ZZZ3: variants seen among roughly 807,000 people sequenced by gnomAD.
ZZZ3 encodes ZZ-type zinc finger-containing protein 3.
A neutral mutation model predicts 95.2 loss-of-function variants in ZZZ3; 22 were observed. The observed-to-expected ratio is 0.23, with a 90% CI of 0.17 to 0.33. The LOEUF (loss-of-function observed/expected upper bound fraction) is 0.33, where lower values mean the gene tolerates loss of function less well. Among genes scored for constraint, ZZZ3 ranks in the 10% least tolerant of loss-of-function variants. ZZZ3 has a pLI of 1.00. For synonymous variants in ZZZ3, 335 were observed against 358.9 expected (o/e 0.93, Z 0.75); for missense variants, 885 against 1,066.5 (o/e 0.83, Z 2.37).
intron 1 of ZZZ3, among the ~76,000 whole-genome samples, chr1:77,676,113 T>C (rs1466218235): frequency 6.6e-6 from 1 of 152,208 alleles, no homozygotes; most frequent in Non-Finnish European, 1.5e-5. Flanking sequence ...ATTTCTCTAA[T>C]TCCCCAAAAT....
chr1:77,590,826 T>C (rs1376065068), intron 5 of ZZZ3, among the ~76,000 whole-genome samples: 1 of 152,204 alleles, frequency 6.6e-6, no homozygotes, highest in Admixed American at 6.5e-5. Context: ...GTATGAGTGA[T>C]GAGTCTACAA....
At chr1:77,606,962 C>A (rs1031959239) in intron 5 of ZZZ3, among the ~76,000 whole-genome samples, 2 of 152,188 alleles carry the variant, frequency 1.3e-5, no homozygotes, top group Non-Finnish European at 2.9e-5. Flanking sequence ...CAAGCCAACA[C>A]AGGAAAACAG....
At chr1:77,577,002 G>C (rs985617567) in intron 11 of ZZZ3, among the ~76,000 whole-genome samples, 1 of 152,156 alleles carries the variant, frequency 6.6e-6, no homozygotes, top group Non-Finnish European at 1.5e-5. Context: ...TTCTTGTTCA[G>C]TGTGTTGCAG....
chr1:77,574,824 T>C lies in ZZZ3; in HGVS notation c.2331+1244A>G, dbSNP rs141189222. 1.5e-4 allele frequency among the ~76,000 whole-genome samples: 23 copies of C among 152,296 alleles called. No homozygotes were observed. The East Asian group carries it at 3.9e-3, about 26-fold the overall frequency. ...ATTTAGGGCCAATAGTTCATAAGAATACAAAAAATTTTTAAACCTCATTGG... is the reference window on the plus strand; with the variant it reads ...ATTTAGGGCCAATAGTTCATAAGAACACAAAAAATTTTTAAACCTCATTGG... On this transcript the variant is annotated intron_variant, in intron 12 of 14. Transcript: ENST00000370801.
intron 5 of ZZZ3, among the ~76,000 whole-genome samples, chr1:77,588,597 TCAGA>T (rs1164014707): frequency 2.6e-5 from 4 of 152,166 alleles, no homozygotes. Flanking sequence ...CCATAGATGT[TCAGA>T]CAGATATTTA....
intron 1 of ZZZ3, among the ~76,000 whole-genome samples, chr1:77,654,185 C>CAAAAAAAAAAAAAAAAAAAAAAAAAAAAA (rs749067016): frequency 1.5e-5 from 1 of 66,344 alleles, no homozygotes; most frequent in Non-Finnish European, 3.1e-5. Context: ...GACTCCATCT[C>CAAAAAAAAAAAAAAAAAAAAAAAAAAAAA]AAAAAAAAAA....
At chr1:77,672,588 G>A (rs1348442880) in intron 1 of ZZZ3, among the ~76,000 whole-genome samples, 3 of 152,176 alleles carry the variant, frequency 2.0e-5, no homozygotes, top group African/African-American at 7.2e-5. Context: ...TAAGGGCAGA[G>A]CCCAGAAATC....
In ZZZ3 at chr1:77,601,014, A is replaced by G. The variant is rs1664679588; in HGVS notation, c.1506-16359T>C. Among the ~76,000 whole-genome samples, 7 of 152,218 alleles carry G rather than the reference A, an allele frequency of 4.6e-5. 1 individual carries two copies. In the South Asian group the frequency reaches 1.4e-3, roughly 31 times the overall value. ...AGATCATTCACATCAGAACAAGAAGAATGGATTAGAATGGAACAAGACTCT... is the reference window on the plus strand; with the variant it reads ...AGATCATTCACATCAGAACAAGAAGGATGGATTAGAATGGAACAAGACTCT... On this transcript the variant is annotated intron_variant, in intron 5 of 14. Coordinates refer to ENST00000370801, the MANE Select transcript of ZZZ3 (RefSeq NM_015534.6).
chr1:77,578,221 G>A (rs1465658628), intron 11 of ZZZ3, among the ~76,000 whole-genome samples: 1 of 152,088 alleles, frequency 6.6e-6, no homozygotes, highest in Non-Finnish European at 1.5e-5. Flanking sequence ...TTCAAGAATT[G>A]TAGAAAGGAT....
At chr1:77,591,821 G>C (rs1663725891) in intron 5 of ZZZ3, among the ~76,000 whole-genome samples, 1 of 152,176 alleles carries the variant, frequency 6.6e-6, no homozygotes, top group South Asian at 2.1e-4. Flanking sequence ...ACAGGTACTT[G>C]TTTATTTCAG....
chr1:77,661,404 ACTC>A (rs1345680427), intron 1 of ZZZ3, among the ~76,000 whole-genome samples: 3 of 151,978 alleles, frequency 2.0e-5, no homozygotes, highest in Non-Finnish European at 2.9e-5. Flanking sequence ...CAAGAGCAAA[ACTC>A]CAACCAAAAC....
intron 5 of ZZZ3, among the ~76,000 whole-genome samples, chr1:77,624,932 C>A (rs577259388): frequency 5.9e-5 from 9 of 152,130 alleles, no homozygotes; most frequent in Non-Finnish European, 7.3e-5. Flanking sequence ...TCAACTGAGT[C>A]AGAGAATTGG....
intron 6 of ZZZ3, among the ~76,000 whole-genome samples, chr1:77,583,894 T>C (rs1008017976): frequency 3.3e-5 from 5 of 152,192 alleles, no homozygotes; most frequent in African/African-American, 1.2e-4. Context: ...AAACTCATTA[T>C]AAAAACCTGT....
At chr1:77,617,216 C>A (rs928210732) in intron 5 of ZZZ3, among the ~76,000 whole-genome samples, 4 of 152,110 alleles carry the variant, frequency 2.6e-5, no homozygotes, top group African/African-American at 9.7e-5. Context: ...TGTTGTGCAA[C>A]CATCACCATT....
intron 1 of ZZZ3, among the ~76,000 whole-genome samples, chr1:77,648,108 C>T (rs188023770): frequency 1.7e-3 from 264 of 152,138 alleles, no homozygotes; most frequent in African/African-American, 6.2e-3. Context: ...CCTGTAATCC[C>T]AACACTTTGG....
chr1:77,661,849 C>G (rs148717688), intron 1 of ZZZ3, among the ~76,000 whole-genome samples: 53 of 152,260 alleles, frequency 3.5e-4, no homozygotes, highest in African/African-American at 1.1e-3. Context: ...CGAGGTCTTG[C>G]TCTGTTGCCC....
intron 1 of ZZZ3, among the ~76,000 whole-genome samples, chr1:77,676,765 A>T (rs1230058021): frequency 6.6e-6 from 1 of 152,164 alleles, no homozygotes; most frequent in African/African-American, 2.4e-5. Flanking sequence ...GGTAAAAATA[A>T]ACAATTTAAA....
intron 4 of ZZZ3, among the ~76,000 whole-genome samples, chr1:77,636,543 T>C (rs1668312067): frequency 6.6e-6 from 1 of 151,686 alleles, no homozygotes; most frequent in Non-Finnish European, 1.5e-5. Context: ...CGAAACCCTG[T>C]CTCTACTAAA....
At chr1:77,565,966 T>G in intron 14 of ZZZ3, 115 bp downstream of exon 14, 2 of 1,107,926 alleles carry the variant, frequency 1.8e-6, no homozygotes, top group Admixed American at 2.8e-5. Context: ...ACAACAAAAT[T>G]TAATTCACTA....
Sources: gnomAD v4.1 joint callset for allele counts (sites outside exome capture counted in the v4.1 genomes callset) on GRCh38, gnomAD v4.1.1 for gene constraint, MANE v1.5 for transcripts, NCBI Gene and HGNC (gene_info 2026-07-23, HGNC 2026-07-21) for gene names.